CREBRF: variants seen among roughly 807,000 people sequenced by gnomAD.
CREBRF encodes CREB3 regulatory factor, also known as UPF0474 protein C5orf41.
A neutral mutation model predicts 66.1 loss-of-function variants in CREBRF; 5 were observed. The observed-to-expected ratio is 0.08, with a 90% CI of 0.04 to 0.16. CREBRF has a LOEUF of 0.16. CREBRF is among the 10% of genes least tolerant of loss of function. CREBRF has a pLI of 1.00. For synonymous variants in CREBRF, 229 were observed against 264.4 expected (o/e 0.87, Z 1.30); for missense variants, 531 against 744.9 (o/e 0.71, Z 3.34).
chr5:173,080,161 T>C (rs1422586546), intron 1 of CREBRF, among the ~76,000 whole-genome samples: 2 of 143,524 alleles, frequency 1.4e-5, no homozygotes, highest in African/African-American at 6.0e-5. Context: ...TGTTGACTTA[T>C]GAGAGAGATA....
chr5:173,061,693 T>C (rs1178036294), intron 1 of CREBRF, among the ~76,000 whole-genome samples: 1 of 152,172 alleles, frequency 6.6e-6, no homozygotes, highest in Non-Finnish European at 1.5e-5. Flanking sequence ...AGACATTGAG[T>C]GCTCATTGCC....
At chr5:173,098,127 A>G (rs557848574) in intron 4 of CREBRF, among the ~76,000 whole-genome samples, 2 of 146,078 alleles carry the variant, frequency 1.4e-5, no homozygotes, top group South Asian at 4.3e-4. Context: ...TCTTTGACCC[A>G]TTGGTTGTTC....
At chr5:173,130,680 T>C (rs1434371381) in intron 8 of CREBRF, among the ~76,000 whole-genome samples, 1 of 152,040 alleles carries the variant, frequency 6.6e-6, no homozygotes. Flanking sequence ...TGCGCCACCA[T>C]GTCCAGCTAA....
At chr5:173,073,513 C>G (rs570973627) in intron 1 of CREBRF, among the ~76,000 whole-genome samples, 2 of 152,288 alleles carry the variant, frequency 1.3e-5, no homozygotes, top group East Asian at 1.9e-4. Context: ...TTCTCTGGTT[C>G]TGTCTAAAAT....
chr5:173,061,623 C>T (rs1384529067), intron 1 of CREBRF, among the ~76,000 whole-genome samples: 1 of 152,162 alleles, frequency 6.6e-6, no homozygotes, highest in Non-Finnish European at 1.5e-5. Context: ...AGATGATAGT[C>T]ACGTGAATAG....
chr5:173,092,225 A>G (rs1758361561), intron 4 of CREBRF: 1 of 969,014 alleles, frequency 1.0e-6, no homozygotes. Context: ...AACAAAGTCT[A>G]TTTATGAATA....
chr5:173,071,181 G>C (rs976536500), intron 1 of CREBRF, among the ~76,000 whole-genome samples: 1 of 127,066 alleles, frequency 7.9e-6, no homozygotes, highest in African/African-American at 2.7e-5. Flanking sequence ...GGAAGACAGA[G>C]TTGGAAAGAT....
chr5:173,086,691 T>G, intron 3 of CREBRF, 65 bp downstream of exon 3: 1 of 1,479,984 alleles, frequency 6.8e-7, no homozygotes. Flanking sequence ...GGAGAGTTTT[T>G]TGTTTATAAA....
In CREBRF at chr5:173,135,498, A is replaced by C. The variant is rs1759563461; in HGVS notation, c.*1753A>C. ...CAAATCTTGTGCTTTGAACTCTGAAAACTGGTGGCTTAAAAACTAAAAAAA... is the reference window on the plus strand; with the variant it reads ...CAAATCTTGTGCTTTGAACTCTGAACACTGGTGGCTTAAAAACTAAAAAAA... On this transcript the variant is annotated 3_prime_UTR_variant, in exon 9 of 9. Transcript: ENST00000296953. The C allele has an allele frequency of 6.6e-6, 1 of 152,420 alleles. No homozygotes were observed. The highest frequency in any genetic ancestry group is 1.5e-5 in the Non-Finnish European group (1 of 67,942). The allele number at this position is 152,420 out of a possible 1,614,324, so 9.4% of individuals were successfully genotyped here.
intron 1 of CREBRF, among the ~76,000 whole-genome samples, chr5:173,066,808 CTTTTTTTTTTT>C (rs34093582): frequency 6.3e-5 from 4 of 63,072 alleles, no homozygotes; most frequent in African/African-American, 2.0e-4. Context: ...TTCATTGAAT[CTTTTTTTTTTT>C]TTTTTTTTTT....
Position 173,112,357 on chromosome 5 carries a change from A to G in CREBRF, c.1659A>G (p.Leu553=), listed in dbSNP as rs1197470552. The part of the protein sequence containing the change: ...KAQYEANKVK[L]WGLNTEYDNL... ...AGTATGAAGCTAATAAAGTGAAATTATGGGGCCTCAACACAGAATATGGTA... is the reference window on the plus strand; with the variant it reads ...AGTATGAAGCTAATAAAGTGAAATTGTGGGGCCTCAACACAGAATATGGTA... The change falls in exon 7 of 9, where the codon TTA becomes TTG. Residue 553 remains leucine, a synonymous_variant. Coordinates refer to ENST00000296953, the MANE Select transcript of CREBRF (RefSeq NM_153607.3). The G allele has an allele frequency of 2.5e-6, 4 of 1,602,512 alleles. No homozygotes were observed. Among genetic ancestry groups the G allele is most frequent in the Non-Finnish European group, 3.4e-6 (4 of 1,173,612 alleles).
At chr5:173,093,317 CT>C (rs977359577) in intron 4 of CREBRF, among the ~76,000 whole-genome samples, 11 of 152,114 alleles carry the variant, frequency 7.2e-5, no homozygotes, top group Non-Finnish European at 5.9e-5. Context: ...TTTTCTTTGA[CT>C]TTTTCCCCCC....
chr5:173,132,588 C>T (rs183353299), intron 8 of CREBRF, among the ~76,000 whole-genome samples: 2,702 of 6,560 alleles, frequency 0.41, 1,235 homozygotes, highest in African/African-American at 0.5. Context: ...CTCCCCCTCC[C>T]CTCCCGTTCC....
intron 1 of CREBRF, among the ~76,000 whole-genome samples, chr5:173,058,373 C>G (rs895172825): frequency 6.6e-6 from 1 of 152,002 alleles, no homozygotes; most frequent in African/African-American, 2.4e-5. Context: ...AAGAACATGC[C>G]TTAGATAGAT....
intron 1 of CREBRF, among the ~76,000 whole-genome samples, chr5:173,080,335 T>G (rs184547963): frequency 5.8e-4 from 76 of 130,112 alleles, no homozygotes; most frequent in African/African-American, 2.1e-3. Context: ...AATTTTGTGT[T>G]TTTTTTTTTT....
Position 173,121,962 on chromosome 5 carries a change from T to TA in CREBRF, c.1682-1115dup, listed in dbSNP as rs1759148663. On this transcript the variant is annotated intron_variant, in intron 7 of 8. Transcript: ENST00000296953. ...GTGCAACTGCCTGCAACTCCTGGGC[T>TA]AAAGCCATTCCCCTGCCTCAGCCTC... is the stretch of plus-strand genomic sequence containing the variant. Among the ~76,000 whole-genome samples the TA allele has an allele frequency of 8.5e-5, 13 of 152,264 alleles. No homozygotes were observed. In the South Asian group the frequency reaches 2.5e-3, roughly 29 times the overall value.
intron 4 of CREBRF, among the ~76,000 whole-genome samples, chr5:173,108,036 T>G (rs1758789799): frequency 6.6e-6 from 1 of 151,026 alleles, no homozygotes; most frequent in African/African-American, 2.4e-5. Context: ...TTTGCCATGT[T>G]GGCCAGGTTG....
intron 4 of CREBRF, among the ~76,000 whole-genome samples, chr5:173,104,740 AGT>A (rs1554125525): frequency 6.8e-5 from 10 of 146,122 alleles, no homozygotes; most frequent in East Asian, 2.0e-4. Flanking sequence ...AGAGAGAGAG[AGT>A]GTGTGTGTGT....
At position 173,107,001 on chromosome 5, in the gene CREBRF, T is replaced by G. The variant is rs560828474; in HGVS notation, c.1223-1623T>G. On this transcript the variant is annotated intron_variant, in intron 4 of 8. Coordinates refer to ENST00000296953, the MANE Select transcript of CREBRF (RefSeq NM_153607.3). ...CTGATCTCAGGTGATCCGCCCACCT[T>G]GGCCTCCCAAAGTCCTGGGATTACA... 1.7e-4 allele frequency among the ~76,000 whole-genome samples: 26 copies of G among 152,254 alleles called. No homozygotes were observed. The South Asian group carries it at 5.4e-3, about 32-fold the overall frequency.
Sources: allele counts gnomAD v4.1 joint callset (sites outside exome capture counted in the v4.1 genomes callset), GRCh38; gene constraint gnomAD v4.1.1; transcripts MANE v1.5; gene names NCBI Gene and HGNC (gene_info 2026-07-23, HGNC 2026-07-21).